RALGPS2: variants seen among roughly 807,000 people sequenced by gnomAD.
RALGPS2 encodes the protein ras-specific guanine nucleotide-releasing factor RalGPS2.
Under a neutral mutation model 86.8 loss-of-function variants are expected in RALGPS2, and 43 were observed. The ratio of observed to expected loss-of-function variants is 0.50; its 90% CI spans 0.39 to 0.64. RALGPS2 has a LOEUF of 0.64. Ranked by LOEUF, RALGPS2 falls within the 30% of genes least tolerant of loss-of-function variation. RALGPS2 has a pLI of 0.00. For synonymous variants in RALGPS2, 243 were observed against 231.3 expected (o/e 1.05, Z -0.46); for missense variants, 536 against 694.6 (o/e 0.77, Z 2.57).
At chr1:178,878,345 C>CT in intron 9 of RALGPS2, among the ~76,000 whole-genome samples, 1 of 152,118 alleles carries the variant, frequency 6.6e-6, no homozygotes, top group Admixed American at 6.5e-5. Flanking sequence ...GTGAATTTAT[C>CT]TTAAAGCTAA....
chr1:178,734,730 T>G (rs1650576632), intron 1 of RALGPS2, among the ~76,000 whole-genome samples: 1 of 152,210 alleles, frequency 6.6e-6, no homozygotes, highest in African/African-American at 2.4e-5. Context: ...TGGAAAATGT[T>G]GCACACTAAA....
intron 8 of RALGPS2, chr1:178,852,814 A>T: frequency 6.2e-7 from 1 of 1,613,930 alleles, no homozygotes; most frequent in Non-Finnish European, 8.5e-7. Flanking sequence ...TTCCAGACGA[A>T]AGCTGCTGTA....
chr1:178,893,969 C>T lies in RALGPS2; in HGVS notation c.1376C>T (p.Thr459Ile). ...LAVHLYPGAV[T>I]IQGVLRRKTL... ...GTACATTTATATCCAGGAGCTGTTA[C>T]TATTCAAGGTGTTCTCAGGAGAAAA... Residue 459 changes from threonine (T) to isoleucine (I), a missense_variant, in exon 16 of 20, where the codon ACT (threonine) becomes ATT (isoleucine). Coordinates refer to ENST00000367635, the MANE Select transcript of RALGPS2 (RefSeq NM_152663.5). 6.2e-7 allele frequency: 1 copy of T among 1,609,062 alleles called. No individual in the cohort carries two copies. Among genetic ancestry groups the T allele is most frequent in the Non-Finnish European group, 8.5e-7 (1 of 1,176,990 alleles).
intron 4 of RALGPS2, among the ~76,000 whole-genome samples, chr1:178,798,230 T>A (rs1210117850): frequency 6.6e-6 from 1 of 152,200 alleles, no homozygotes; most frequent in Non-Finnish European, 1.5e-5. Context: ...TATTAAGTCA[T>A]AACTGCATAA....
chr1:178,836,862 T>C (rs1364189577), intron 8 of RALGPS2, among the ~76,000 whole-genome samples: 2 of 152,114 alleles, frequency 1.3e-5, no homozygotes, highest in Non-Finnish European at 2.9e-5. Flanking sequence ...CACTGCAGCT[T>C]CAAACTTCTG....
At chr1:178,887,851 T>C (rs1037818632) in intron 13 of RALGPS2, among the ~76,000 whole-genome samples, 1 of 152,364 alleles carries the variant, frequency 6.6e-6, no homozygotes, top group African/African-American at 2.4e-5. Context: ...AATCTCAGTA[T>C]GAAGAATAAT....
chr1:178,770,172 A>G (rs1652722794), intron 1 of RALGPS2, among the ~76,000 whole-genome samples: 1 of 151,944 alleles, frequency 6.6e-6, no homozygotes, highest in Non-Finnish European at 1.5e-5. Flanking sequence ...GCACACCACC[A>G]TGCCTGGCTG....
intron 8 of RALGPS2, among the ~76,000 whole-genome samples, chr1:178,852,502 T>C (rs935340696): frequency 6.6e-6 from 1 of 152,210 alleles, no homozygotes. Flanking sequence ...GATCACACTT[T>C]GGGATTGCCT....
chr1:178,812,004 G>A (rs1655007193), intron 6 of RALGPS2, among the ~76,000 whole-genome samples: 1 of 152,274 alleles, frequency 6.6e-6, no homozygotes, highest in Non-Finnish European at 1.5e-5. Context: ...TGGAGGGGCA[G>A]AAAGGGGGAG....
intron 8 of RALGPS2, chr1:178,850,677 C>T (rs1291103782): frequency 6.6e-6 from 1 of 152,308 alleles, no homozygotes; most frequent in Non-Finnish European, 1.5e-5. Context: ...ATTGGCAAAA[C>T]TAGAGGTTTC....
intron 8 of RALGPS2, among the ~76,000 whole-genome samples, chr1:178,877,020 C>T (rs1419754077): frequency 6.6e-6 from 1 of 152,016 alleles, no homozygotes; most frequent in Non-Finnish European, 1.5e-5. Context: ...AAATAATTTC[C>T]CTATGTCAGT....
At chr1:178,842,803 C>G (rs1656656259) in intron 8 of RALGPS2, among the ~76,000 whole-genome samples, 1 of 148,544 alleles carries the variant, frequency 6.7e-6, no homozygotes, top group African/African-American at 2.4e-5. Context: ...AACAAATTTA[C>G]AAGAAAAAAA....
At chr1:178,888,172 T>C (rs1659568471) in intron 13 of RALGPS2, among the ~76,000 whole-genome samples, 1 of 152,166 alleles carries the variant, frequency 6.6e-6, no homozygotes, top group Non-Finnish European at 1.5e-5. Context: ...ATTCTAAGGC[T>C]AAGTAAGTAA....
intron 8 of RALGPS2, among the ~76,000 whole-genome samples, chr1:178,845,715 G>C (rs1301525497): frequency 2.0e-5 from 3 of 152,006 alleles, no homozygotes; most frequent in African/African-American, 7.3e-5. Flanking sequence ...TTTGTTTTTG[G>C]TGCCTCAGCT....
chr1:178,759,455 T>A (rs181991803), intron 1 of RALGPS2, among the ~76,000 whole-genome samples: 3 of 152,206 alleles, frequency 2.0e-5, no homozygotes, highest in Admixed American at 6.5e-5. Context: ...TTTATGCCAG[T>A]ACATGCTGTT....
At chr1:178,840,876 C>T (rs977916547) in intron 8 of RALGPS2, among the ~76,000 whole-genome samples, 13 of 151,844 alleles carry the variant, frequency 8.6e-5, no homozygotes, top group African/African-American at 2.9e-4. Context: ...AAACACCTCT[C>T]TGCACATAAA....
chr1:178,892,348 T>C (rs774722972), intron 15 of RALGPS2, 41 bp downstream of exon 15: 19 of 1,552,020 alleles, frequency 1.2e-5, no homozygotes, highest in Non-Finnish European at 1.5e-5. Context: ...AACTCCCTTA[T>C]GGTGTTGGTG....
intron 2 of RALGPS2, 80 bp from the exon 3 acceptor site, chr1:178,784,338 A>C: frequency 9.2e-7 from 1 of 1,084,138 alleles, no homozygotes; most frequent in Non-Finnish European, 1.3e-6. Context: ...TTGTTTTCTC[A>C]GTTTTTAAGG....
In RALGPS2 at chr1:178,855,026, T is replaced by A. The variant is rs556302289; in HGVS notation, c.607+21476T>A. Among the ~76,000 whole-genome samples, 10 of 152,232 alleles carry A rather than the reference T, an allele frequency of 6.6e-5. No homozygotes were observed. In the South Asian group the frequency reaches 1.9e-3, roughly 28 times the overall value. On this transcript the variant is annotated intron_variant, in intron 8 of 19. Transcript: ENST00000367635. ...TCTTAGAACAAAAAATGTATAAAAATTCTGATTGTCAAATTTTATATTTTA... is the reference window on the plus strand; with the variant it reads ...TCTTAGAACAAAAAATGTATAAAAAATCTGATTGTCAAATTTTATATTTTA...
Sources: gnomAD v4.1 joint callset for allele counts (sites outside exome capture counted in the v4.1 genomes callset) on GRCh38, gnomAD v4.1.1 for gene constraint, MANE v1.5 for transcripts, NCBI Gene and HGNC (gene_info 2026-07-23, HGNC 2026-07-21) for gene names.